Variants in LOXHD1 observed in about 807,000 individuals in gnomAD.
LOXHD1 encodes the protein lipoxygenase homology PLAT domains 1.
Under a neutral mutation model 248.2 loss-of-function variants are expected in LOXHD1, and 205 were observed. The ratio of observed to expected loss-of-function variants is 0.83; its 90% CI spans 0.74 to 0.93. LOXHD1 has a LOEUF of 0.93. Ranked by LOEUF, LOXHD1 falls within the 40% of genes least tolerant of loss-of-function variation. The pLI is 0.00. For missense variants in LOXHD1, 2,930 were observed against 2,971.6 expected (o/e 0.99, Z 0.33); for synonymous variants, 1,113 against 1,162.8 (o/e 0.96, Z 0.87).
intron 34 of LOXHD1, among the ~76,000 whole-genome samples, chr18:46,515,981 C>G (rs1434191629): frequency 1.3e-5 from 2 of 152,224 alleles, no homozygotes; most frequent in Non-Finnish European, 2.9e-5. Context: ...ACCCTACCTC[C>G]AGCTTTACCA....
At chr18:46,495,383 T>C (rs1861386254) in intron 37 of LOXHD1, among the ~76,000 whole-genome samples, 1 of 151,854 alleles carries the variant, frequency 6.6e-6, no homozygotes, top group Admixed American at 6.6e-5. Context: ...CCTGAGGGAC[T>C]TTTTTAACAG....
At chr18:46,640,972 G>A (rs902092636) in intron 3 of LOXHD1, among the ~76,000 whole-genome samples, 6 of 152,114 alleles carry the variant, frequency 3.9e-5, no homozygotes, top group Non-Finnish European at 8.8e-5. Flanking sequence ...TGAAACCCAT[G>A]ATACACCAGG....
At chr18:46,503,560 T>G (rs1367319709) in intron 37 of LOXHD1, among the ~76,000 whole-genome samples, 1 of 152,184 alleles carries the variant, frequency 6.6e-6, no homozygotes, top group Non-Finnish European at 1.5e-5. Flanking sequence ...GGGAAACTGC[T>G]GCTAATCCTA....
In LOXHD1 at chr18:46,566,452, G is replaced by T. The variant is rs1285368996; in HGVS notation, c.2245-3C>A. Reference sequence around the variant, plus strand: ...TGCCCAATCACCAGCCGGTTGATCTGAAGGAAACCCGAGTGAGGGTGAGCA... The same window carrying T: ...TGCCCAATCACCAGCCGGTTGATCTTAAGGAAACCCGAGTGAGGGTGAGCA... On this transcript the variant is annotated splice_region_variant and splice_polypyrimidine_tract_variant and intron_variant, in intron 16 of 40. Coordinates refer to ENST00000642948, the MANE Select transcript of LOXHD1 (RefSeq NM_001384474.1). 5 of 1,548,262 alleles carry T rather than the reference G, an allele frequency of 3.2e-6. No individual in the cohort carries two copies. The highest frequency in any genetic ancestry group is 3.5e-6 in the Non-Finnish European group (4 of 1,146,724).
intron 8 of LOXHD1, among the ~76,000 whole-genome samples, chr18:46,599,466 A>G (rs748696409): frequency 3.0e-4 from 45 of 152,314 alleles, no homozygotes; most frequent in South Asian, 1.0e-3. Flanking sequence ...TATTTTAAAA[A>G]TATAAATGGA....
intron 36 of LOXHD1, among the ~76,000 whole-genome samples, chr18:46,506,549 A>G (rs1470251255): frequency 6.6e-6 from 1 of 152,210 alleles, no homozygotes; most frequent in Non-Finnish European, 1.5e-5. Context: ...TCTGACACAC[A>G]TCTGTGGTTA....
At chr18:46,630,959 A>G (rs1328970872) in intron 4 of LOXHD1, among the ~76,000 whole-genome samples, 2 of 152,080 alleles carry the variant, frequency 1.3e-5, no homozygotes, top group Non-Finnish European at 1.5e-5. Context: ...TCACATAATT[A>G]CCAAAGTGTG....
chr18:46,498,706 T>C (rs1389571895), intron 37 of LOXHD1, among the ~76,000 whole-genome samples: 1 of 152,192 alleles, frequency 6.6e-6, no homozygotes, highest in Non-Finnish European at 1.5e-5. Context: ...ACACAAGTCG[T>C]CATTGATTTA....
rs1002985026 is a variant in LOXHD1, at chr18:46,547,364, C to T, written c.3351-306G>A. ...ATGGAAGTATCTAGAAGGAGAGGGA[C>T]ATACGGGGACCTTTCCAACCCTTTC... On this transcript the variant is annotated intron_variant, in intron 21 of 40. Transcript: ENST00000642948. 5.9e-5 allele frequency among the ~76,000 whole-genome samples: 9 copies of T among 152,336 alleles called. No homozygotes were observed. In the East Asian group the frequency reaches 1.7e-3, roughly 29 times the overall value.
chr18:46,641,040 ACCTCAG>A (rs1297324304), intron 3 of LOXHD1, among the ~76,000 whole-genome samples: 16 of 152,186 alleles, frequency 1.1e-4, no homozygotes, highest in African/African-American at 3.9e-4. Context: ...ACATAGTAGG[ACCTCAG>A]CTAGAGGTCG....
At chr18:46,591,899 T>G (rs1468659250) in intron 12 of LOXHD1, 34 bp downstream of exon 12, 2 of 1,550,888 alleles carry the variant, frequency 1.3e-6, no homozygotes, top group Non-Finnish European at 1.7e-6. Flanking sequence ...GGAGTTCCAC[T>G]GCCTCCCAGG....
At chr18:46,576,483 C>T (rs899417554) in intron 14 of LOXHD1, among the ~76,000 whole-genome samples, 1 of 152,158 alleles carries the variant, frequency 6.6e-6, no homozygotes, top group African/African-American at 2.4e-5. Flanking sequence ...GCCATTTCTT[C>T]AGCCTAGGTG....
Position 46,572,073 on chromosome 18 carries a change from C to G in LOXHD1, c.2047+13G>C. On this transcript the variant is annotated intron_variant, in intron 15 of 40. Transcript: ENST00000642948. ...AAGGGCACACCCAGCACCTGGTCAT[C>G]AGGACAACTCACTCTTCAGTGTCGC... The G allele has an allele frequency of 6.4e-7, 1 of 1,551,300 alleles. No homozygotes were observed. The highest frequency in any genetic ancestry group is 8.7e-7 in the Non-Finnish European group (1 of 1,146,586).
chr18:46,508,407 T>A (rs761734968), intron 35 of LOXHD1, among the ~76,000 whole-genome samples: 7 of 152,008 alleles, frequency 4.6e-5, no homozygotes, highest in Non-Finnish European at 1.0e-4. Context: ...CACCCAGACA[T>A]GCACCCAGAA....
At chr18:46,630,026 A>C (rs1177063879) in intron 4 of LOXHD1, among the ~76,000 whole-genome samples, 1 of 152,114 alleles carries the variant, frequency 6.6e-6, no homozygotes, top group Non-Finnish European at 1.5e-5. Context: ...TAATCTACCC[A>C]AGAAGATTAC....
intron 31 of LOXHD1, among the ~76,000 whole-genome samples, chr18:46,522,779 G>A (rs1243789035): frequency 1.3e-5 from 2 of 152,172 alleles, no homozygotes; most frequent in Non-Finnish European, 2.9e-5. Context: ...GTGAATGAAA[G>A]TCCTAGAAGA....
chr18:46,484,594 AT>A (rs2032876235), intron 39 of LOXHD1, among the ~76,000 whole-genome samples: 1 of 152,192 alleles, frequency 6.6e-6, no homozygotes, highest in Non-Finnish European at 1.5e-5. Context: ...AGTCTGAGGT[AT>A]TCTGTTATAG....
chr18:46,537,668 C>A (rs879431245), intron 26 of LOXHD1, among the ~76,000 whole-genome samples: 7 of 152,204 alleles, frequency 4.6e-5, no homozygotes, highest in Admixed American at 3.9e-4. Flanking sequence ...ATTGTCAAGA[C>A]CTGATGGGAA....
intron 39 of LOXHD1, 96 bp downstream of exon 39, chr18:46,484,923 T>C: frequency 4.2e-6 from 6 of 1,443,770 alleles, no homozygotes; most frequent in Admixed American, 2.1e-5. Flanking sequence ...GTTAGGCCCA[T>C]TTGTGTACCT....
Sources: allele counts gnomAD v4.1 joint callset (sites outside exome capture counted in the v4.1 genomes callset), GRCh38; gene constraint gnomAD v4.1.1; transcripts MANE v1.5; gene names NCBI Gene and HGNC (gene_info 2026-07-23, HGNC 2026-07-21).